Variants in ZNF787 observed in about 807,000 individuals in gnomAD.
The protein encoded by ZNF787 is zinc finger protein 787.
In ZNF787, 7 loss-of-function variants were observed where a neutral mutation model predicts 16.9. The observed-to-expected ratio is 0.42, with a 90% confidence interval of 0.24 to 0.78. The LOEUF (loss-of-function observed/expected upper bound fraction) is 0.78. ZNF787 is among the 30% of genes least tolerant of loss of function. ZNF787 has a pLI of 0.30. For missense variants in ZNF787, 551 were observed against 589.3 expected, an observed-to-expected ratio of 0.94 and a Z score of 0.67; for synonymous variants, 345 against 270.9, an observed-to-expected ratio of 1.27 and a Z score of -2.69.
At chr19:56,094,218 A>G (rs1599942325) in intron 2 of ZNF787, among the ~76,000 whole-genome samples, 1 of 122,476 alleles carries the variant, frequency 8.2e-6, no homozygotes, top group South Asian at 2.6e-4. Context: ...CATTTTCAGT[A>G]GAGGCAAGGT....
At chr19:56,112,246 A>G (rs2030001240) in intron 1 of ZNF787, among the ~76,000 whole-genome samples, 1 of 152,112 alleles carries the variant, frequency 6.6e-6, no homozygotes. Flanking sequence ...CTATTCAAGG[A>G]ATCTACCAGA....
intron 2 of ZNF787, among the ~76,000 whole-genome samples, chr19:56,090,928 C>T (rs1040910928): frequency 2.0e-5 from 3 of 152,212 alleles, no homozygotes; most frequent in Non-Finnish European, 4.4e-5. Context: ...GATTCTGATG[C>T]CAGCTCCAGT....
intron 2 of ZNF787, among the ~76,000 whole-genome samples, chr19:56,096,708 G>A (rs1003905728): frequency 7.9e-5 from 12 of 152,050 alleles, no homozygotes; most frequent in Non-Finnish European, 1.5e-4. Context: ...GTGAGACTCC[G>A]TCTCAGAAAA....
At chr19:56,102,277 C>T (rs994723895) in intron 2 of ZNF787, 2 of 152,322 alleles carry the variant, frequency 1.3e-5, no homozygotes, top group African/African-American at 2.4e-5. Flanking sequence ...GCAAGATGAA[C>T]AGTATTTCCT....
At position 56,102,655 on chromosome 19, in the gene ZNF787, C is replaced by T. The variant is rs1219327292; in HGVS notation, c.79+484G>A. ...TCCCTGAAAAGTCTGCGTCAGCCTG[C>T]GGGTTCCCTGCACTCCTGAGCTTTC... On this transcript the variant is annotated intron_variant, in intron 2 of 2. Coordinates refer to ENST00000610935, the MANE Select transcript of ZNF787 (RefSeq NM_001002836.4). 38 of 487,270 alleles carry T rather than the reference C, an allele frequency of 7.8e-5. No individual in the cohort carries two copies. The East Asian group carries it at 1.0e-3, about 13-fold the overall frequency. 30.2% of individuals were successfully genotyped at this position (487,270 alleles called of 1,614,324 possible).
At chr19:56,096,552 A>C (rs953837005) in intron 2 of ZNF787, among the ~76,000 whole-genome samples, 2 of 151,780 alleles carry the variant, frequency 1.3e-5, no homozygotes, top group Non-Finnish European at 2.9e-5. Context: ...GTTTCTACTA[A>C]AACTACAAAA....
chr19:56,096,218 A>AC (rs11398780), intron 2 of ZNF787, among the ~76,000 whole-genome samples: 3,929 of 149,094 alleles, frequency 0.026, 170 homozygotes, highest in African/African-American at 0.094. Flanking sequence ...ACATAGTGAG[A>AC]CCCCGTCTCT....
At chr19:56,094,463 C>G (rs1985791342) in intron 2 of ZNF787, among the ~76,000 whole-genome samples, 1 of 148,554 alleles carries the variant, frequency 6.7e-6, no homozygotes, top group African/African-American at 2.5e-5. Context: ...CATGAGCCAC[C>G]ACGCCCCGCC....
chr19:56,099,424 G>T (rs1986004119), intron 2 of ZNF787, among the ~76,000 whole-genome samples: 1 of 152,136 alleles, frequency 6.6e-6, no homozygotes, highest in South Asian at 2.1e-4. Flanking sequence ...ACAGAAAGGG[G>T]GAGTCACACC....
At chr19:56,096,253 TA>T (rs70954472) in intron 2 of ZNF787, among the ~76,000 whole-genome samples, 7 of 29,612 alleles carry the variant, frequency 2.4e-4, no homozygotes, top group Non-Finnish European at 5.6e-4. Flanking sequence ...AATAAAAAAA[TA>T]AAAAAAATAA....
chr19:56,116,302 C>T (rs1227337065), intron 1 of ZNF787, among the ~76,000 whole-genome samples: 3 of 151,986 alleles, frequency 2.0e-5, no homozygotes, highest in Admixed American at 2.0e-4. Context: ...ATTAGCCAGG[C>T]ATGGTGGCGG....
intron 1 of ZNF787, among the ~76,000 whole-genome samples, chr19:56,115,695 C>CT (rs1409719834): frequency 6.6e-6 from 1 of 152,090 alleles, no homozygotes; most frequent in Non-Finnish European, 1.5e-5. Flanking sequence ...CCGTCTTCCT[C>CT]GGGGGCATCA....
At chr19:56,110,519 TAAA>T (rs33942141) in intron 1 of ZNF787, among the ~76,000 whole-genome samples, 5 of 147,652 alleles carry the variant, frequency 3.4e-5, no homozygotes, top group Admixed American at 1.3e-4. Flanking sequence ...TAGGAAAGGT[TAAA>T]AAAAAAAAAA....
intron 1 of ZNF787, among the ~76,000 whole-genome samples, chr19:56,119,178 C>G (rs553220755): frequency 2.0e-5 from 3 of 152,128 alleles, no homozygotes; most frequent in Admixed American, 2.0e-4. Flanking sequence ...CTCTCTTCAC[C>G]CAGGCTGGGC....
At chr19:56,120,892 G>A (rs1405251345) in intron 1 of ZNF787, among the ~76,000 whole-genome samples, 4 of 89,304 alleles carry the variant, frequency 4.5e-5, no homozygotes, top group Admixed American at 1.5e-4. Flanking sequence ...CCCTGGACCC[G>A]GACCCGCGCA....
At chr19:56,113,684 G>C (rs893514983) in intron 1 of ZNF787, among the ~76,000 whole-genome samples, 4 of 26,014 alleles carry the variant, frequency 1.5e-4, no homozygotes, top group African/African-American at 2.3e-4. Flanking sequence ...CCCAGGAACC[G>C]GGACGCAGGG....
rs1291379815 is a variant in ZNF787, at chr19:56,120,881, GCCCTGGACCCGGACCCGCGCACGCGCACC to G, written c.-11+262_-11+290del. Among the ~76,000 whole-genome samples, 14 of 104,118 alleles carry G rather than the reference GCCCTGGACCCGGACCCGCGCACGCGCACC, an allele frequency of 1.3e-4. No individual in the cohort carries two copies. In the East Asian group the frequency reaches 2.5e-3, roughly 19 times the overall value. 68.3% of individuals were successfully genotyped at this position (104,118 alleles called of 152,430 possible). A position where few individuals can be genotyped will look rare whatever the true frequency, so the allele number is the denominator to read the frequency against. The stretch of plus-strand genomic sequence containing the variant: ...CTGCCCCCGCCACGCGCACGCGCGC[GCCCTGGACCCGGACCCGCGCACGCGCACC>G]CCCCCTCCAGCCCCGCTCGCCGCCC... On this transcript the variant is annotated intron_variant, in intron 1 of 2. Coordinates refer to ENST00000610935, the MANE Select transcript of ZNF787 (RefSeq NM_001002836.4).
chr19:56,103,141 G>A lies in ZNF787; in HGVS notation c.77C>T (p.Pro26Leu). ...EDQQMASHEN[P>L]VDILIMDDDD... ...TGGGAAGGCCTCTGGCTGCTCACCT[G>A]GGTTCTCGTGACTGGCCATCTGCTG... Residue 26 changes from proline to leucine, a missense_variant and splice_region_variant, in exon 2 of 3, where the codon CCA (proline) becomes CTA (leucine). Around this residue, in one of 4 missense-constraint regions of ZNF787, gnomAD observed 80 missense variants for 105.9 expected, o/e 0.76. Coordinates refer to ENST00000610935, the MANE Select transcript of ZNF787 (RefSeq NM_001002836.4). 6.2e-7 allele frequency: 1 copy of A among 1,608,564 alleles called. No individual in the cohort carries two copies.
chr19:56,095,848 G>C (rs574445573), intron 2 of ZNF787, among the ~76,000 whole-genome samples: 53 of 152,160 alleles, frequency 3.5e-4, no homozygotes, highest in Non-Finnish European at 5.4e-4. Context: ...GCTTTGCAGT[G>C]AAGACCTGCA....
Sources: gnomAD v4.1 joint callset for allele counts (sites outside exome capture counted in the v4.1 genomes callset) on GRCh38, gnomAD v4.1.1 for gene constraint, gnomAD v4.1.1 regional missense constraint, MANE v1.5 for transcripts, NCBI Gene and HGNC (gene_info 2026-07-23, HGNC 2026-07-21) for gene names.